KCTD3: variants seen among roughly 807,000 people sequenced by gnomAD.
The protein encoded by KCTD3 is potassium channel tetramerization domain containing 3, also known as BTB/POZ domain-containing protein KCTD3.
KCTD3 carries 41 observed loss-of-function variants against 85.8 expected under a neutral mutation model. The ratio of observed to expected loss-of-function variants is 0.48; its 90% CI spans 0.37 to 0.62. The LOEUF is 0.62. Among genes scored for constraint, KCTD3 ranks in the 20% least tolerant of loss-of-function variants. The pLI is 0.00. For synonymous variants in KCTD3, 338 were observed against 345.4 expected (o/e 0.98, Z 0.24); for missense variants, 724 against 989.9 (o/e 0.73, Z 3.60).
Position 215,569,662 on chromosome 1 carries a change from C to G in KCTD3, c.83+1894C>G, listed in dbSNP as rs112447482. On this transcript the variant is annotated intron_variant, in intron 1 of 17. Transcript: ENST00000259154. The stretch of plus-strand genomic sequence containing the variant: ...CCAGGCTGGAGTGCAGTGGTGCGAT[C>G]TCGGCTCACTGCAAGCTCCGCCTCC... 2.8e-5 allele frequency among the ~76,000 whole-genome samples: 4 copies of G among 145,296 alleles called. No homozygotes were observed. In the Admixed American group the frequency reaches 2.8e-4, roughly 10 times the overall value.
At chr1:215,614,844 T>G (rs527489816) in intron 15 of KCTD3, among the ~76,000 whole-genome samples, 1 of 152,346 alleles carries the variant, frequency 6.6e-6, no homozygotes, top group East Asian at 1.9e-4. Context: ...ATGAATAAAT[T>G]CTTTGAGATG....
chr1:215,572,622 G>A lies in KCTD3; in HGVS notation c.84-1164G>A, dbSNP rs145160486. ...CAGTGAGCATAATAAAAAAAAGTAAGCAACTTCCACGTTTTTGATAATTCC... is the reference window on the plus strand; with the variant it reads ...CAGTGAGCATAATAAAAAAAAGTAAACAACTTCCACGTTTTTGATAATTCC... On this transcript the variant is annotated intron_variant, in intron 1 of 17. Transcript: ENST00000259154. Among the ~76,000 whole-genome samples the A allele has an allele frequency of 3.9e-5, 6 of 152,248 alleles. No homozygotes were observed. The South Asian group carries it at 1.2e-3, about 32-fold the overall frequency.
chr1:215,573,981 C>CT, intron 2 of KCTD3, 92 bp from the exon 3 acceptor site: 1 of 1,055,614 alleles, frequency 9.5e-7, no homozygotes, highest in Non-Finnish European at 1.4e-6. Flanking sequence ...AGATAACTTA[C>CT]TTTTAGTGGT....
chr1:215,577,584 G>A, intron 4 of KCTD3, 86 bp from the exon 5 acceptor site: 1 of 820,004 alleles, frequency 1.2e-6, no homozygotes. Flanking sequence ...CTATATACAT[G>A]AAGAACCTAG....
intron 15 of KCTD3, among the ~76,000 whole-genome samples, chr1:215,612,801 G>T (rs1655279261): frequency 6.6e-6 from 1 of 152,092 alleles, no homozygotes; most frequent in Non-Finnish European, 1.5e-5. Flanking sequence ...AACCATAATA[G>T]ATGTACAGTA....
rs948167031 is a variant in KCTD3 at position 215,567,539 on chromosome 1, G to T, written c.-147G>T. 3.0e-6 allele frequency: 1 copy of T among 330,786 alleles called. No homozygotes were observed. Among genetic ancestry groups the T allele is most frequent in the African/African-American group, 2.2e-5 (1 of 46,154 alleles). The allele number at this position is 330,786 out of a possible 1,614,324, so 20.5% of individuals were successfully genotyped here. The stretch of plus-strand genomic sequence containing the variant: ...CGAGCCCCGCCCGGCCGCCGGGAAG[G>T]TGGGGGAAGCCCCGTGCACCCCCCG... On this transcript the variant is annotated 5_prime_UTR_variant, in exon 1 of 18. Transcript: ENST00000259154.
chr1:215,610,540 C>T (rs1204637515), intron 14 of KCTD3, among the ~76,000 whole-genome samples: 1 of 151,910 alleles, frequency 6.6e-6, no homozygotes, highest in Non-Finnish European at 1.5e-5. Flanking sequence ...CTATAGTCTT[C>T]TCATTCCTAG....
chr1:215,593,470 GTTGT>G (rs1207518353), intron 9 of KCTD3, among the ~76,000 whole-genome samples: 3 of 152,176 alleles, frequency 2.0e-5, no homozygotes, highest in African/African-American at 7.2e-5. Context: ...TTTTCAAGGT[GTTGT>G]TTGTCACTGG....
At chr1:215,591,668 C>T (rs1458580912) in intron 9 of KCTD3, among the ~76,000 whole-genome samples, 1 of 152,118 alleles carries the variant, frequency 6.6e-6, no homozygotes, top group Non-Finnish European at 1.5e-5. Flanking sequence ...GCCTTTCTTT[C>T]CTTGAGGATT....
At chr1:215,606,068 A>G (rs1421704428) in intron 13 of KCTD3, among the ~76,000 whole-genome samples, 1 of 152,070 alleles carries the variant, frequency 6.6e-6, no homozygotes, top group Non-Finnish European at 1.5e-5. Flanking sequence ...GATTCTACCT[A>G]CCTTTAAAAT....
At chr1:215,586,376 T>C (rs1418888171) in intron 8 of KCTD3, 119 bp from the exon 9 acceptor site, 1 of 792,896 alleles carries the variant, frequency 1.3e-6, no homozygotes, top group Admixed American at 2.6e-5. Context: ...GGTGGATGGG[T>C]AACTGTTTAG....
chr1:215,568,008 C>T (rs550143960), intron 1 of KCTD3, among the ~76,000 whole-genome samples: 7 of 152,190 alleles, frequency 4.6e-5, no homozygotes, highest in Non-Finnish European at 8.8e-5. Context: ...GCCCATGTGG[C>T]AGAGTAGCTG....
At chr1:215,568,177 T>G (rs1558224554) in intron 1 of KCTD3, among the ~76,000 whole-genome samples, 1 of 152,210 alleles carries the variant, frequency 6.6e-6, no homozygotes, top group Non-Finnish European at 1.5e-5. Context: ...CTTTCCTTTC[T>G]CTTTGGTCAA....
At chr1:215,575,206 C>T (rs914056039) in intron 3 of KCTD3, among the ~76,000 whole-genome samples, 2 of 152,078 alleles carry the variant, frequency 1.3e-5, no homozygotes, top group Non-Finnish European at 2.9e-5. Flanking sequence ...GAGCCCAGAT[C>T]GTGCCACTGC....
intron 10 of KCTD3, among the ~76,000 whole-genome samples, chr1:215,595,894 G>T (rs552581878): frequency 1.3e-5 from 2 of 152,210 alleles, no homozygotes; most frequent in East Asian, 3.9e-4. Context: ...GATTCTTAAA[G>T]GAAAGAGGAA....
chr1:215,597,376 C>G (rs1031590637), intron 10 of KCTD3, among the ~76,000 whole-genome samples: 1 of 152,018 alleles, frequency 6.6e-6, no homozygotes, highest in African/African-American at 2.4e-5. Context: ...TAGGCTGTTA[C>G]ATAGCCTAAT....
chr1:215,588,205 C>T (rs2102572403), intron 9 of KCTD3, among the ~76,000 whole-genome samples: 1 of 152,194 alleles, frequency 6.6e-6, no homozygotes, highest in South Asian at 2.1e-4. Context: ...ACTTAATGAA[C>T]AGAGCAGCTC....
At chr1:215,604,357 TAAAAG>T in intron 13 of KCTD3, 55 bp downstream of exon 13, 1 of 1,400,886 alleles carries the variant, frequency 7.1e-7, no homozygotes. Flanking sequence ...TTATTTTCAT[TAAAAG>T]AATGAAAACG....
In KCTD3 at chr1:215,620,470, G is replaced by A. The variant is rs762293357; in HGVS notation, c.2300G>A (p.Arg767Lys). Reference sequence around the variant, plus strand: ...TTTGAAGGGGGAGGATTCCTTGGAAGAAAGAAAGTTCCCTATCTGGCGTCA... The same window carrying A: ...TTTGAAGGGGGAGGATTCCTTGGAAAAAAGAAAGTTCCCTATCTGGCGTCA... Reference protein sequence around the residue: ...GGFEGGGFLGRKKVPYLASSP... With the variant: ...GGFEGGGFLGKKKVPYLASSP... Residue 767 changes from arginine (R) to lysine (K), a missense_variant, in exon 18 of 18, where the codon AGA (arginine) becomes AAA (lysine). Transcript: ENST00000259154. 2.5e-6 allele frequency: 4 copies of A among 1,613,850 alleles called. No individual in the cohort carries two copies. The South Asian group carries it at 4.4e-5, about 18-fold the overall frequency.
Sources: allele counts gnomAD v4.1 joint callset (sites outside exome capture counted in the v4.1 genomes callset), GRCh38; gene constraint gnomAD v4.1.1; transcripts MANE v1.5; gene names NCBI Gene and HGNC (gene_info 2026-07-23, HGNC 2026-07-21).